The following PDZD8 variants were observed in gnomAD, a reference collection of about 807,000 sequenced individuals.
PDZD8 encodes the protein PDZ domain-containing protein 8.
A neutral mutation model predicts 85.8 loss-of-function variants in PDZD8; 14 were observed. The observed-to-expected ratio is 0.16, with a 90% confidence interval of 0.11 to 0.26. PDZD8 has a LOEUF of 0.26. Ranked by LOEUF, PDZD8 falls within the 10% of genes least tolerant of loss-of-function variation. PDZD8 has a pLI of 1.00. For missense variants in PDZD8, 1,197 were observed against 1,424.3 expected, an observed-to-expected ratio of 0.84 and a Z score of 2.57; for synonymous variants, 592 against 568.6, an observed-to-expected ratio of 1.04 and a Z score of -0.59.
At position 117,280,322 on chromosome 10, in the gene PDZD8, T is replaced by C. The variant is rs910501702; in HGVS notation, c.*2946A>G. On this transcript the variant is annotated 3_prime_UTR_variant, in exon 5 of 5. Coordinates refer to ENST00000334464, the MANE Select transcript of PDZD8 (RefSeq NM_173791.5). Reference sequence around the variant, plus strand: ...GGAAACCCATAAACTTGATAATCCATAAGGAAACAATAGTAAAAAAATGTT... The same window carrying C: ...GGAAACCCATAAACTTGATAATCCACAAGGAAACAATAGTAAAAAAATGTT... 7.2e-5 allele frequency: 11 copies of C among 152,146 alleles called. No individual in the cohort carries two copies. The highest frequency in any genetic ancestry group is 2.2e-4 in the African/African-American group (9 of 41,440). 9.4% of individuals were successfully genotyped at this position (152,146 alleles called of 1,614,324 possible). A position where few individuals can be genotyped will look rare whatever the true frequency, so the allele number is the denominator to read the frequency against.
At chr10:117,365,313 T>A (rs192716594) in intron 1 of PDZD8, among the ~76,000 whole-genome samples, 3 of 152,150 alleles carry the variant, frequency 2.0e-5, no homozygotes, top group African/African-American at 7.2e-5. Context: ...TAGGTATATA[T>A]AGAAAACTCA....
rs766130636 is a variant in PDZD8, at chr10:117,280,396, G to A, written c.*2872C>T. 3 of 152,190 alleles carry A rather than the reference G, an allele frequency of 2.0e-5. No homozygotes were observed. The highest frequency in any genetic ancestry group is 4.8e-5 in the African/African-American group (2 of 41,438). 9.4% of individuals were successfully genotyped at this position (152,190 alleles called of 1,614,324 possible). ...ATTTTGTTTAGGAAAAGTGGACTTT[G>A]TTATGCTTTTCTGCATGGCCAAATT... On this transcript the variant is annotated 3_prime_UTR_variant, in exon 5 of 5. Coordinates refer to ENST00000334464, the MANE Select transcript of PDZD8 (RefSeq NM_173791.5).
In PDZD8 at chr10:117,277,297, TAATTG is replaced by T; in HGVS notation, c.*5966_*5970del. ...GATCCTCAAAAATCATCAAAGTGTT[TAATTG>T]TATAAAACAGTGTTTCCAGTGACAC... On this transcript the variant is annotated 3_prime_UTR_variant, in exon 5 of 5. Transcript: ENST00000334464. 9 of 1,365,868 alleles carry T rather than the reference TAATTG, an allele frequency of 6.6e-6. No individual in the cohort carries two copies. Among genetic ancestry groups the T allele is most frequent in the South Asian group, 1.2e-5 (1 of 84,246 alleles). 84.6% of individuals were successfully genotyped at this position (1,365,868 alleles called of 1,614,324 possible). A position where few individuals can be genotyped will look rare whatever the true frequency, so the allele number is the denominator to read the frequency against.
chr10:117,327,289 G>C (rs976614326), intron 2 of PDZD8, among the ~76,000 whole-genome samples: 3 of 152,292 alleles, frequency 2.0e-5, no homozygotes, highest in South Asian at 2.1e-4. Context: ...GTGACCAAAT[G>C]GGGGGAATTG....
intron 1 of PDZD8, among the ~76,000 whole-genome samples, chr10:117,357,765 CCAAAAAAAAAAAAAAA>C (rs1844921499): frequency 1.1e-4 from 3 of 28,250 alleles, no homozygotes; most frequent in African/African-American, 2.5e-4. Context: ...GACTTCATCT[CCAAAAAAAAAAAAAAA>C]AAAAAAAAAA....
At chr10:117,349,220 G>A (rs988933032) in intron 1 of PDZD8, among the ~76,000 whole-genome samples, 10 of 152,158 alleles carry the variant, frequency 6.6e-5, no homozygotes, top group Non-Finnish European at 1.3e-4. Context: ...TGGGGCAGGT[G>A]ATGAAAGCTC....
chr10:117,327,428 CT>C (rs1844337257), intron 2 of PDZD8, among the ~76,000 whole-genome samples: 1 of 152,208 alleles, frequency 6.6e-6, no homozygotes, highest in African/African-American at 2.4e-5. Flanking sequence ...TGCCAACAGA[CT>C]AGTTTTTCCT....
At chr10:117,289,849 G>A (rs955429668) in intron 4 of PDZD8, among the ~76,000 whole-genome samples, 22 of 152,112 alleles carry the variant, frequency 1.4e-4, no homozygotes, top group Middle Eastern at 3.2e-3. Context: ...CGTACAGAAA[G>A]ATAACCTGTT....
chr10:117,340,939 G>A, intron 2 of PDZD8, 41 bp downstream of exon 2: 1 of 1,608,352 alleles, frequency 6.2e-7, no homozygotes, highest in Non-Finnish European at 8.5e-7. Context: ...TCACTGCACT[G>A]TTCTTCCCGT....
chr10:117,329,114 T>C (rs1844371293), intron 2 of PDZD8, among the ~76,000 whole-genome samples: 1 of 152,236 alleles, frequency 6.6e-6, no homozygotes, highest in African/African-American at 2.4e-5. Context: ...ATTCAAATTA[T>C]ATAATGACCA....
chr10:117,371,627 C>T (rs1845194813), intron 1 of PDZD8, among the ~76,000 whole-genome samples: 1 of 152,176 alleles, frequency 6.6e-6, no homozygotes, highest in Non-Finnish European at 1.5e-5. Flanking sequence ...CCCCATCAAT[C>T]CCATTCTAGT....
In PDZD8 at chr10:117,313,995, T is replaced by C. The variant is rs112566360; in HGVS notation, c.1098+4877A>G. ...ATCCCATTATCATCACTACTAATTA[T>C]TTGAATACCATTCACAGTCCAGTTT... On this transcript the variant is annotated intron_variant, in intron 3 of 4. Transcript: ENST00000334464. Among the ~76,000 whole-genome samples, 567 of 152,330 alleles carry C rather than the reference T, an allele frequency of 3.7e-3. 4 individuals carry two copies. The highest frequency in any genetic ancestry group is 0.013 in the African/African-American group (536 of 41,580).
At chr10:117,342,417 CACACACACACAT>C (rs1175020449) in intron 1 of PDZD8, among the ~76,000 whole-genome samples, 4 of 150,472 alleles carry the variant, frequency 2.7e-5, no homozygotes, top group Admixed American at 6.6e-5. Context: ...CACACACACA[CACACACACACAT>C]AGTCAAAAGT....
At chr10:117,294,344 AAC>A (rs1843719012) in intron 3 of PDZD8, among the ~76,000 whole-genome samples, 1 of 135,834 alleles carries the variant, frequency 7.4e-6, no homozygotes, top group African/African-American at 2.9e-5. Flanking sequence ...AAAAAAAAAA[AAC>A]AAAAAAACAA....
intron 3 of PDZD8, among the ~76,000 whole-genome samples, chr10:117,318,460 C>A (rs778309634): frequency 2.0e-5 from 3 of 152,124 alleles, no homozygotes; most frequent in Admixed American, 6.6e-5. Context: ...AGAATAGGGG[C>A]CTTTTTTGTC....
At chr10:117,304,238 T>C (rs1300013105) in intron 3 of PDZD8, among the ~76,000 whole-genome samples, 1 of 152,148 alleles carries the variant, frequency 6.6e-6, no homozygotes, top group African/African-American at 2.4e-5. Flanking sequence ...GGAGATCATT[T>C]TGGAGCTTTA....
Position 117,283,164 on chromosome 10 carries a change from A to G in PDZD8, c.*104T>C, listed in dbSNP as rs535600747. ...TGTTCTTACACAAGCAAGTAACTGG[A>G]GAAGCAGGCCAGAGTGCATACGAGG... is the stretch of plus-strand genomic sequence containing the variant. On this transcript the variant is annotated 3_prime_UTR_variant, in exon 5 of 5. Transcript: ENST00000334464. 8.7e-7 allele frequency: 1 copy of G among 1,152,974 alleles called. No homozygotes were observed. Among genetic ancestry groups the G allele is most frequent in the African/African-American group, 1.5e-5 (1 of 64,670 alleles). 71.4% of individuals were successfully genotyped at this position (1,152,974 alleles called of 1,614,324 possible).
At chr10:117,327,195 T>C (rs114375339) in intron 2 of PDZD8, among the ~76,000 whole-genome samples, 164 of 152,270 alleles carry the variant, frequency 1.1e-3, no homozygotes, top group African/African-American at 3.8e-3. Flanking sequence ...TGCAGAATGA[T>C]AGAAACTGAA....
chr10:117,374,208 G>T lies in PDZD8; in HGVS notation c.872+148C>A. 3.1e-6 allele frequency: 4 copies of T among 1,270,316 alleles called. No individual in the cohort carries two copies. The highest frequency in any genetic ancestry group is 4.3e-6 in the Non-Finnish European group (4 of 937,374). 78.7% of individuals were successfully genotyped at this position (1,270,316 alleles called of 1,614,324 possible). ...GAAGCAAAGCAAGTGTTCACGACTC[G>T]CCTTGATCTGGGGCCCTGTCCAGGG... On this transcript the variant is annotated intron_variant, in intron 1 of 4. Transcript: ENST00000334464. This position sits in a 1 kb window ranked among gnomAD's most constrained non-coding sequence, Gnocchi z 7.8.
Sources: gnomAD v4.1 joint callset for allele counts (sites outside exome capture counted in the v4.1 genomes callset) on GRCh38, gnomAD v4.1.1 for gene constraint, Gnocchi (gnomAD v3.1) non-coding constraint, MANE v1.5 for transcripts, NCBI Gene and HGNC (gene_info 2026-07-23, HGNC 2026-07-21) for gene names.